NUP58: variants seen among roughly 807,000 people sequenced by gnomAD.
The protein encoded by NUP58 is nucleoporin 58, also known as nucleoporin p58/p45.
In NUP58, 17 loss-of-function variants were observed where a neutral mutation model predicts 70.1. That is an observed-to-expected ratio of 0.24 (90% CI 0.17 to 0.36). The LOEUF (loss-of-function observed/expected upper bound fraction) is 0.36. Ranked by LOEUF, NUP58 falls within the 10% of genes least tolerant of loss-of-function variation. The pLI is 1.00. For missense variants in NUP58, 644 were observed against 701.5 expected, an observed-to-expected ratio of 0.92 and a Z score of 0.93; for synonymous variants, 275 against 257.6, an observed-to-expected ratio of 1.07 and a Z score of -0.65.
chr13:25,323,991 A>G (rs888952885), intron 9 of NUP58, among the ~76,000 whole-genome samples: 5 of 152,292 alleles, frequency 3.3e-5, no homozygotes, highest in Non-Finnish European at 5.9e-5. Flanking sequence ...ATACCTTTAC[A>G]TTGAGTCTTG....
Position 25,341,155 on chromosome 13 carries a change from C to T in NUP58, c.*1021C>T, listed in dbSNP as rs1449386629. 1.3e-5 allele frequency: 2 copies of T among 152,186 alleles called. No individual in the cohort carries two copies. Among genetic ancestry groups the T allele is most frequent in the Non-Finnish European group, 2.9e-5 (2 of 68,030 alleles). The allele number at this position is 152,186 out of a possible 1,614,324, so 9.4% of individuals were successfully genotyped here. On this transcript the variant is annotated 3_prime_UTR_variant, in exon 16 of 16. Transcript: ENST00000381736. ...CAACTTTATTGCCCCTGATCTTTTC[C>T]ATTTTTGTTTCCACCTTAACCTATA...
downstream of NUP58, among the ~76,000 whole-genome samples, chr13:25,347,351 C>T (rs750373009): frequency 2.6e-5 from 4 of 152,194 alleles, no homozygotes; most frequent in South Asian, 8.3e-4. Context: ...TTGGCCAGCA[C>T]CTAGTCACAT....
intron 11 of NUP58, among the ~76,000 whole-genome samples, 169 bp downstream of exon 11, chr13:25,327,203 A>C (rs533177027): frequency 3.9e-5 from 6 of 152,174 alleles, no homozygotes; most frequent in Admixed American, 1.3e-4. Flanking sequence ...TTATTATATG[A>C]ATTGTTACTG....
chr13:25,310,335 C>G (rs1198202006), intron 3 of NUP58, among the ~76,000 whole-genome samples: 1 of 150,654 alleles, frequency 6.6e-6, no homozygotes, highest in Non-Finnish European at 1.5e-5. Flanking sequence ...ATTCTCTTGC[C>G]TCAGCTTCCT....
chr13:25,305,603 G>A (rs2030309209), intron 1 of NUP58, among the ~76,000 whole-genome samples: 1 of 152,038 alleles, frequency 6.6e-6, no homozygotes, highest in Admixed American at 6.6e-5. Flanking sequence ...AGTATGGATG[G>A]CACATCTCAA....
intron 13 of NUP58, chr13:25,334,840 G>A: frequency 1.0e-6 from 1 of 984,262 alleles, no homozygotes; most frequent in Non-Finnish European, 1.2e-6. Context: ...TTTGTAAAAT[G>A]TTACTCTACA....
In NUP58 at chr13:25,339,970, G is replaced by A; in HGVS notation, c.1636G>A (p.Gly546Ser). The A allele has an allele frequency of 1.9e-6, 3 of 1,594,438 alleles. No homozygotes were observed. Among genetic ancestry groups the A allele is most frequent in the Non-Finnish European group, 2.6e-6 (3 of 1,173,134 alleles). ...KPSGSLSAGF[G>S]SSSTSGFNFS... is the part of the protein sequence containing the mutation. The stretch of plus-strand genomic sequence containing the variant: ...TTTTTTTCCCTAAACATAAGGCTTT[G>A]GCAGCTCAAGTACATCTGGGTTTAA... The change falls in exon 16 of 16, where the codon GGC (glycine) becomes AGC (serine). Residue 546 changes from glycine to serine, a missense_variant. Gly to Ser is a moderately conservative substitution (Grantham distance 56, BLOSUM62 0). Transcript: ENST00000381736.
intron 6 of NUP58, among the ~76,000 whole-genome samples, chr13:25,317,147 G>A (rs575546343): frequency 6.6e-6 from 1 of 152,256 alleles, no homozygotes; most frequent in African/African-American, 2.4e-5. Context: ...ACAGCATTCA[G>A]TGAAGAGGGG....
chr13:25,304,635 G>A (rs994663073), intron 1 of NUP58, among the ~76,000 whole-genome samples: 4 of 150,554 alleles, frequency 2.7e-5, no homozygotes, highest in Non-Finnish European at 5.9e-5. Context: ...TCCTGCCTCA[G>A]CCTCCCAAAT....
At chr13:25,323,024 G>A (rs1045438818) in intron 9 of NUP58, among the ~76,000 whole-genome samples, 6 of 152,116 alleles carry the variant, frequency 3.9e-5, no homozygotes, top group African/African-American at 9.7e-5. Context: ...ATTTTAACTC[G>A]AAAACTGAAT....
intron 3 of NUP58, among the ~76,000 whole-genome samples, chr13:25,347,825 C>T (rs189985231): frequency 6.6e-6 from 1 of 152,172 alleles, no homozygotes; most frequent in Non-Finnish European, 1.5e-5. Flanking sequence ...AAGGATCGAT[C>T]TAAAGAACAA....
At position 25,315,482 on chromosome 13, in the gene NUP58, T is replaced by G; in HGVS notation, c.685+15T>G. On this transcript the variant is annotated intron_variant, in intron 6 of 15. Coordinates refer to ENST00000381736, the MANE Select transcript of NUP58 (RefSeq NM_014089.4). ...AGATAAAAAGAGTAAGTAATGCTGT[T>G]GTAACTTTATGTTTTAACAGTTCTG... is the stretch of plus-strand genomic sequence containing the variant. 2 of 1,544,874 alleles carry G rather than the reference T, an allele frequency of 1.3e-6. No individual in the cohort carries two copies. The highest frequency in any genetic ancestry group is 1.8e-6 in the Non-Finnish European group (2 of 1,119,618).
At chr13:25,305,557 C>T (rs1166988172) in intron 1 of NUP58, among the ~76,000 whole-genome samples, 1 of 152,118 alleles carries the variant, frequency 6.6e-6, no homozygotes, top group East Asian at 1.9e-4. Flanking sequence ...CACACAAACA[C>T]ATTTTAAAAA....
intron 1 of NUP58, among the ~76,000 whole-genome samples, chr13:25,306,274 A>G (rs2030351238): frequency 6.6e-6 from 1 of 151,680 alleles, no homozygotes; most frequent in African/African-American, 2.4e-5. Flanking sequence ...GTGTGGTGGC[A>G]GGCACCTATA....
chr13:25,335,299 C>A (rs1452040957), intron 13 of NUP58: 1 of 985,166 alleles, frequency 1.0e-6, no homozygotes, highest in Non-Finnish European at 1.2e-6. Context: ...GACCCACACA[C>A]AACAAAAAGC....
In NUP58 at chr13:25,306,807, G is replaced by A. The variant is rs185438974; in HGVS notation, c.108-999G>A. On this transcript the variant is annotated intron_variant, in intron 1 of 15. Transcript: ENST00000381736. ...TTGATAAGAGTAGTTGAAAAGTTGTGAAGTTTGTTCACTTTCACTTGTTTT... is the reference window on the plus strand; with the variant it reads ...TTGATAAGAGTAGTTGAAAAGTTGTAAAGTTTGTTCACTTTCACTTGTTTT... Among the ~76,000 whole-genome samples, 265 of 152,238 alleles carry A rather than the reference G, an allele frequency of 1.7e-3. 1 individual carries two copies. Among genetic ancestry groups the A allele is most frequent in the African/African-American group, 6.0e-3 (248 of 41,542 alleles).
intron 12 of NUP58, among the ~76,000 whole-genome samples, chr13:25,328,004 G>T (rs1340383800): frequency 1.3e-5 from 2 of 152,032 alleles, no homozygotes; most frequent in Admixed American, 1.3e-4. Context: ...TTCAAGACCA[G>T]CCTGGCCAAT....
downstream of NUP58, among the ~76,000 whole-genome samples, chr13:25,344,984 A>G (rs1042526618): frequency 6.6e-6 from 1 of 152,184 alleles, no homozygotes; most frequent in Non-Finnish European, 1.5e-5. Flanking sequence ...AACATGAGCC[A>G]GTGTCCTGGG....
intron 13 of NUP58, chr13:25,336,232 AGC>A (rs780949967): frequency 1.5e-6 from 2 of 1,367,282 alleles, no homozygotes; most frequent in East Asian, 4.6e-5. Flanking sequence ...GGTGTAATGT[AGC>A]AGAGCTTAAG....
Sources: allele counts gnomAD v4.1 joint callset (sites outside exome capture counted in the v4.1 genomes callset), GRCh38; gene constraint gnomAD v4.1.1; transcripts MANE v1.5; gene names NCBI Gene and HGNC (gene_info 2026-07-23, HGNC 2026-07-21).